KCNN2: variants seen among roughly 807,000 people sequenced by gnomAD.
KCNN2 encodes the protein potassium calcium-activated channel subfamily N member 2.
In KCNN2, 24 loss-of-function variants were observed where a neutral mutation model predicts 55.5. The ratio of observed to expected loss-of-function variants is 0.43; its 90% CI spans 0.31 to 0.61. The LOEUF (loss-of-function observed/expected upper bound fraction) is 0.61. Ranked by LOEUF, KCNN2 falls within the 20% of genes least tolerant of loss-of-function variation. The probability of loss-of-function intolerance (pLI) is 0.08; values close to 1 mark genes in which losing one functional copy is unlikely to be tolerated. For missense variants in KCNN2, 754 were observed against 853.6 expected (o/e 0.88, Z 1.45); for synonymous variants, 431 against 336.1 (o/e 1.28, Z -3.09).
chr5:114,170,806 C>G (rs1753017514), intron 1 of KCNN2, among the ~76,000 whole-genome samples: 1 of 151,984 alleles, frequency 6.6e-6, no homozygotes, highest in Non-Finnish European at 1.5e-5. Flanking sequence ...GTGCCCTAAA[C>G]TACATTCTTG....
chr5:114,492,205 G>T (rs1294959623), intron 6 of KCNN2, among the ~76,000 whole-genome samples: 4 of 151,994 alleles, frequency 2.6e-5, no homozygotes, highest in Non-Finnish European at 5.9e-5. Flanking sequence ...TCCTAGTTTC[G>T]GAACAAAATC....
At chr5:114,396,129 A>G (rs770985419) in intron 2 of KCNN2, among the ~76,000 whole-genome samples, 52 of 151,134 alleles carry the variant, frequency 3.4e-4, no homozygotes, top group Non-Finnish European at 6.9e-4. Flanking sequence ...TTCTCAGGGT[A>G]GAAACACAAT....
intron 2 of KCNN2, among the ~76,000 whole-genome samples, chr5:114,297,334 T>A (rs1417013367): frequency 1.3e-5 from 2 of 151,914 alleles, no homozygotes; most frequent in Admixed American, 6.6e-5. Context: ...AGAGAAATAA[T>A]CTTTAAAAAT....
intron 2 of KCNN2, among the ~76,000 whole-genome samples, chr5:114,236,781 A>G (rs1470136056): frequency 6.6e-6 from 1 of 152,102 alleles, no homozygotes; most frequent in Non-Finnish European, 1.5e-5. Flanking sequence ...AGTATTATGT[A>G]TATTACCTGT....
intron 2 of KCNN2, among the ~76,000 whole-genome samples, chr5:114,224,949 A>C (rs1487858504): frequency 6.6e-6 from 1 of 152,132 alleles, no homozygotes; most frequent in African/African-American, 2.4e-5. Context: ...AAAACTTTCT[A>C]ATTCTAGATA....
intron 2 of KCNN2, among the ~76,000 whole-genome samples, chr5:114,275,747 C>T (rs1034881560): frequency 5.5e-4 from 84 of 151,764 alleles, no homozygotes; most frequent in African/African-American, 1.1e-3. Flanking sequence ...GTCTTCCTAG[C>T]GATCTATTTT....
chr5:114,363,680 G>A (rs1333279053), intron 1 of KCNN2, among the ~76,000 whole-genome samples: 3 of 152,176 alleles, frequency 2.0e-5, no homozygotes, highest in Non-Finnish European at 4.4e-5. Context: ...GGACCCAGCA[G>A]CCCAGCCACG....
rs10654082 is a variant in KCNN2 at position 114,168,174 on chromosome 5, T to TACACACAC, written c.-270-53286_-270-53279dup. On this transcript the variant is annotated intron_variant, in intron 1 of 10. Coordinates refer to the KCNN2 transcript ENST00000512097. ...ATAATCATATATATGTGGATATATATACACACACACACACACACACACACA... is the reference window on the plus strand; with the variant it reads ...ATAATCATATATATGTGGATATATATACACACACACACACACACACACACACACACACA... Among the ~76,000 whole-genome samples the TACACACAC allele has an allele frequency of 3.7e-3, 548 of 148,704 alleles. 6 individuals carry two copies. The highest frequency in any genetic ancestry group is 7.6e-3 in the South Asian group (35 of 4,610).
At chr5:114,068,707 G>GA (rs1256489650) in intron 1 of KCNN2, among the ~76,000 whole-genome samples, 1 of 152,214 alleles carries the variant, frequency 6.6e-6, no homozygotes, top group Non-Finnish European at 1.5e-5. Flanking sequence ...ATGCATCATG[G>GA]AGTAGACATT....
intron 6 of KCNN2, among the ~76,000 whole-genome samples, chr5:114,490,102 C>CT (rs1747775411): frequency 6.6e-6 from 1 of 152,148 alleles, no homozygotes. Flanking sequence ...TTCTCTTTCT[C>CT]TAACTTTTAA....
At chr5:114,214,078 C>A (rs1289422134) in intron 1 of KCNN2, among the ~76,000 whole-genome samples, 7 of 151,924 alleles carry the variant, frequency 4.6e-5, no homozygotes, top group African/African-American at 1.7e-4. Context: ...TAGAGAAAGT[C>A]CTAAATACAT....
intron 2 of KCNN2, among the ~76,000 whole-genome samples, chr5:114,379,286 C>CAGT (rs1354209089): frequency 6.6e-6 from 1 of 151,948 alleles, no homozygotes; most frequent in East Asian, 1.9e-4. Flanking sequence ...TATGGCCACT[C>CAGT]CCTCCTTAGT....
intron 1 of KCNN2, among the ~76,000 whole-genome samples, chr5:114,201,294 A>T (rs1343036450): frequency 1.3e-5 from 2 of 150,090 alleles, no homozygotes; most frequent in Non-Finnish European, 2.9e-5. Flanking sequence ...TGGGTTATTA[A>T]TAATAATAAT....
intron 1 of KCNN2, among the ~76,000 whole-genome samples, chr5:114,107,619 A>C (rs924871553): frequency 2.6e-5 from 4 of 151,814 alleles, no homozygotes; most frequent in Non-Finnish European, 5.9e-5. Context: ...TGTTCTTGAA[A>C]TCCTGAGCTG....
chr5:114,213,398 C>CTTT (rs1301212417), intron 1 of KCNN2, among the ~76,000 whole-genome samples: 1 of 145,964 alleles, frequency 6.9e-6, no homozygotes, highest in Non-Finnish European at 1.5e-5. Flanking sequence ...CTTGGTTTCT[C>CTTT]TTTTTTTTTT....
chr5:114,056,211 C>T, exon 1 of KCNN2: 1 of 395,404 alleles, frequency 2.5e-6, no homozygotes. Flanking sequence ...TCGCCCGCGC[C>T]CGCGCCCCGG....
intron 5 of KCNN2, among the ~76,000 whole-genome samples, chr5:114,485,505 A>G (rs560735470): frequency 1.3e-5 from 2 of 152,182 alleles, no homozygotes; most frequent in Non-Finnish European, 2.9e-5. Flanking sequence ...AGATGAAAAA[A>G]GCTTCTGAAA....
chr5:114,327,358 A>T (rs1024602647), intron 2 of KCNN2, among the ~76,000 whole-genome samples: 1 of 152,214 alleles, frequency 6.6e-6, no homozygotes. Context: ...TCCCTGAACC[A>T]AGCTGCCTTT....
At chr5:114,140,958 T>C (rs1752266887) in intron 1 of KCNN2, among the ~76,000 whole-genome samples, 1 of 151,646 alleles carries the variant, frequency 6.6e-6, no homozygotes, top group South Asian at 2.1e-4. Flanking sequence ...CCATCTAATT[T>C]TTGTATTTTT....
Sources: gnomAD v4.1 joint callset for allele counts (sites outside exome capture counted in the v4.1 genomes callset) on GRCh38, gnomAD v4.1.1 for gene constraint, MANE v1.5 for transcripts, NCBI Gene and HGNC (gene_info 2026-07-23, HGNC 2026-07-21) for gene names.